Variants in MEAK7 observed in about 807,000 individuals in gnomAD.
MEAK7 encodes MTOR associated protein MEAK7.
Under a neutral mutation model 40.5 loss-of-function variants are expected in MEAK7, and 68 were observed. That is an observed-to-expected ratio of 1.68 (90% CI 1.38 to 2.06). The LOEUF (loss-of-function observed/expected upper bound fraction) is 2.06, where lower values mean the gene tolerates loss of function less well. Ranked by LOEUF, MEAK7 falls within the 30% of genes most tolerant of loss-of-function variation. The probability of loss-of-function intolerance (pLI) is 0.00; values close to 1 mark genes in which losing one functional copy is unlikely to be tolerated. For synonymous variants in MEAK7, 338 were observed against 231.9 expected (o/e 1.46, Z -4.16); for missense variants, 918 against 580.5 (o/e 1.58, Z -5.98).
chr16:84,504,377 TC>T (rs1018525995), intron 1 of MEAK7, among the ~76,000 whole-genome samples: 2 of 151,730 alleles, frequency 1.3e-5, no homozygotes, highest in African/African-American at 2.4e-5. Flanking sequence ...ATGATTCTGA[TC>T]CCCCCCAGGA....
At position 84,489,376 on chromosome 16, in the gene MEAK7, CTG is replaced by C. The variant is rs1913373016; in HGVS notation, c.429_430del (p.His143GlnfsTer29). Reference sequence around the variant, plus strand: ...CCCAGTCCAGCCTCTCAGCTCCTGTCTGTGGCTTAGCACGTGCACCACAGAGC... The same window carrying C: ...CCCAGTCCAGCCTCTCAGCTCCTGTCTGGCTTAGCACGTGCACCACAGAGC... On this transcript the variant is annotated frameshift_variant, in exon 4 of 8. Coordinates refer to ENST00000343629, the MANE Select transcript of MEAK7 (RefSeq NM_020947.4). LOFTEE classifies it high-confidence loss of function. 6.2e-7 allele frequency: 1 copy of C among 1,614,050 alleles called. No homozygotes were observed. The highest frequency in any genetic ancestry group is 8.5e-7 in the Non-Finnish European group (1 of 1,180,020).
intron 1 of MEAK7, among the ~76,000 whole-genome samples, chr16:84,500,844 G>T (rs926964978): frequency 6.6e-6 from 1 of 152,058 alleles, no homozygotes; most frequent in Admixed American, 6.6e-5. Flanking sequence ...GCATCAACTC[G>T]AAGAGCCTGC....
chr16:84,491,395 C>T (rs1487969395), intron 3 of MEAK7, among the ~76,000 whole-genome samples: 4 of 152,076 alleles, frequency 2.6e-5, no homozygotes, highest in Non-Finnish European at 5.9e-5. Context: ...AAAAATTAAC[C>T]AGGTATGGTG....
chr16:84,495,823 G>T lies in MEAK7; in HGVS notation c.244C>A (p.Pro82Thr). Reference sequence around the variant, plus strand: ...TGCTCCTGGGACACGTTCTCACTGGGTCCCTTCGCCTTCCCTGTCAGGTCG... The same window carrying T: ...TGCTCCTGGGACACGTTCTCACTGGTTCCCTTCGCCTTCCCTGTCAGGTCG... ...RVDLTGKAKGPSENVSQEQFT... is the reference protein window; with the variant it reads ...RVDLTGKAKGTSENVSQEQFT... Residue 82 changes from proline to threonine, a missense_variant, in exon 3 of 8, where the codon CCC becomes ACC. By Grantham distance (38) the Pro-to-Thr change is conservative. Coordinates refer to ENST00000343629, the MANE Select transcript of MEAK7 (RefSeq NM_020947.4). 1 of 1,614,036 alleles carries T rather than the reference G, an allele frequency of 6.2e-7. No homozygotes were observed. Among genetic ancestry groups the T allele is most frequent in the Non-Finnish European group, 8.5e-7 (1 of 1,180,006 alleles).
chr16:84,488,268 C>A (rs780810038), intron 4 of MEAK7: 2 of 152,186 alleles, frequency 1.3e-5, no homozygotes, highest in African/African-American at 2.4e-5. Flanking sequence ...ATTACTGATA[C>A]TTACTTGTAA....
chr16:84,497,802 T>G, intron 2 of MEAK7, 132 bp downstream of exon 2: 1 of 1,419,934 alleles, frequency 7.0e-7, no homozygotes, highest in South Asian at 1.2e-5. Context: ...ATCTGGCCCT[T>G]TACAGAAAAC....
chr16:84,495,941 T>G (rs771950698), intron 2 of MEAK7, 28 bp from the exon 3 acceptor site: 1 of 1,609,888 alleles, frequency 6.2e-7, no homozygotes, highest in Non-Finnish European at 8.5e-7. Flanking sequence ...AAAAATATGG[T>G]TAGACAGTGC....
At chr16:84,504,235 T>A in intron 1 of MEAK7, 7 of 808,440 alleles carry the variant, frequency 8.7e-6, no homozygotes, top group Non-Finnish European at 9.0e-6. Context: ...ACTCGCCTCC[T>A]CCGTGGAGGC....
intron 6 of MEAK7, among the ~76,000 whole-genome samples, chr16:84,481,267 C>A (rs1389400459): frequency 1.3e-5 from 2 of 152,246 alleles, no homozygotes. Flanking sequence ...CTGAGCTGTT[C>A]AATCTCACCC....
At chr16:84,493,687 G>A (rs1158429027) in intron 3 of MEAK7, among the ~76,000 whole-genome samples, 1 of 151,980 alleles carries the variant, frequency 6.6e-6, no homozygotes, top group Admixed American at 6.6e-5. Flanking sequence ...CTTAATTTAT[G>A]GCAATATAAT....
intron 3 of MEAK7, among the ~76,000 whole-genome samples, chr16:84,493,848 G>A (rs1394617817): frequency 2.0e-5 from 3 of 152,122 alleles, no homozygotes; most frequent in Non-Finnish European, 4.4e-5. Flanking sequence ...AAAGCCACTG[G>A]ACAAACTGGC....
rs183569179 is a variant in MEAK7 at position 84,481,230 on chromosome 16, T to A, written c.1078-522A>T. Among the ~76,000 whole-genome samples the A allele has an allele frequency of 2.3e-3, 343 of 152,306 alleles. 1 individual carries two copies. Among genetic ancestry groups the A allele is most frequent in the African/African-American group, 8.1e-3 (337 of 41,574 alleles). ...GGAGGCGGATGCGAACCCCTGTGCC[T>A]TCCACCCTCAGTCACATGGCTGGGC... On this transcript the variant is annotated intron_variant, in intron 6 of 7. Transcript: ENST00000343629.
At chr16:84,481,993 G>C (rs768571120) in intron 6 of MEAK7, among the ~76,000 whole-genome samples, 4 of 152,140 alleles carry the variant, frequency 2.6e-5, no homozygotes, top group Non-Finnish European at 5.9e-5. Context: ...AAATCAGCAG[G>C]GGAGCTGGCA....
At chr16:84,481,054 AGATAAG>A (rs1410788169) in intron 6 of MEAK7, among the ~76,000 whole-genome samples, 3 of 127,652 alleles carry the variant, frequency 2.4e-5, no homozygotes, top group East Asian at 4.2e-4. Flanking sequence ...CGCCCAGTTA[AGATAAG>A]GGGAGAGGTG....
intron 1 of MEAK7, among the ~76,000 whole-genome samples, chr16:84,498,737 T>A (rs574160736): frequency 6.6e-6 from 1 of 152,250 alleles, no homozygotes; most frequent in Admixed American, 6.5e-5. Context: ...GACAAAAAAA[T>A]CTGTATTTTA....
chr16:84,490,145 G>C (rs1428415431), intron 3 of MEAK7, among the ~76,000 whole-genome samples: 1 of 152,086 alleles, frequency 6.6e-6, no homozygotes, highest in African/African-American at 2.4e-5. Flanking sequence ...TTTTATTTGT[G>C]GCTTCTGTTT....
At chr16:84,483,855 G>C in intron 5 of MEAK7, among the ~76,000 whole-genome samples, 1 of 152,178 alleles carries the variant, frequency 6.6e-6, no homozygotes, top group African/African-American at 2.4e-5. Flanking sequence ...GAACAGTGGG[G>C]CTTGAGAGCA....
rs747139786 is a variant in MEAK7, at chr16:84,489,358, C to T, written c.449G>A (p.Trp150Ter). ...VLSHRQELRGWTGKEAPGPNP... is the reference protein window; with the variant it reads ...VLSHRQELRG ...GGGCCCTGGGGCTTCCTTCCCAGTCCAGCCTCTCAGCTCCTGTCTGTGGCT... is the reference window on the plus strand; with the variant it reads ...GGGCCCTGGGGCTTCCTTCCCAGTCTAGCCTCTCAGCTCCTGTCTGTGGCT... The change falls in exon 4 of 8, where the codon TGG (tryptophan) becomes TAG (stop). Residue 150 changes from tryptophan to a stop codon, truncating the protein, a stop_gained. Coordinates refer to ENST00000343629, the MANE Select transcript of MEAK7 (RefSeq NM_020947.4). LOFTEE classifies it high-confidence loss of function. 1 of 1,614,232 alleles carries T rather than the reference C, an allele frequency of 6.2e-7. No homozygotes were observed. The highest frequency in any genetic ancestry group is 2.2e-5 in the East Asian group (1 of 44,880).
At chr16:84,498,526 C>T (rs1226539657) in intron 1 of MEAK7, among the ~76,000 whole-genome samples, 1 of 152,014 alleles carries the variant, frequency 6.6e-6, no homozygotes, top group Non-Finnish European at 1.5e-5. Context: ...TCTCCTGCCT[C>T]AGCCTCCCAA....
Sources: gnomAD v4.1 joint callset for allele counts (sites outside exome capture counted in the v4.1 genomes callset) on GRCh38, gnomAD v4.1.1 for gene constraint, MANE v1.5 for transcripts, NCBI Gene and HGNC (gene_info 2026-07-23, HGNC 2026-07-21) for gene names.